The following POLR1A variants were observed in gnomAD, a reference collection of about 807,000 sequenced individuals.
POLR1A encodes DNA-directed RNA polymerase I subunit RPA1.
POLR1A carries 84 observed loss-of-function variants against 205.3 expected under a neutral mutation model. The observed-to-expected ratio is 0.41, with a 90% CI of 0.34 to 0.49. The LOEUF (loss-of-function observed/expected upper bound fraction) is 0.49. Ranked by LOEUF, POLR1A falls within the 20% of genes least tolerant of loss-of-function variation. POLR1A has a pLI of 0.22. For synonymous variants in POLR1A, 799 were observed against 863.7 expected (o/e 0.93, Z 1.31); for missense variants, 1,645 against 2,204.5 (o/e 0.75, Z 5.08).
At chr2:86,069,523 G>C (rs989595302) in intron 13 of POLR1A, among the ~76,000 whole-genome samples, 1 of 152,192 alleles carries the variant, frequency 6.6e-6, no homozygotes, top group South Asian at 2.1e-4. Context: ...GAGTGAACTT[G>C]GAGAAAGAAG....
intron 14 of POLR1A, among the ~76,000 whole-genome samples, chr2:86,058,132 G>A (rs766071872): frequency 6.6e-6 from 1 of 152,092 alleles, no homozygotes; most frequent in African/African-American, 2.4e-5. Context: ...ATGGAGTCTC[G>A]CTCTGTCGCC....
At chr2:86,066,419 C>G (rs1348269320) in intron 13 of POLR1A, among the ~76,000 whole-genome samples, 1 of 152,166 alleles carries the variant, frequency 6.6e-6, no homozygotes, top group Non-Finnish European at 1.5e-5. Flanking sequence ...ATTCTGATCC[C>G]CAGTCTCCTG....
Position 86,047,158 on chromosome 2 carries a change from C to A in POLR1A, c.2733+7G>T. 1 of 1,609,798 alleles carries A rather than the reference C, an allele frequency of 6.2e-7. No homozygotes were observed. The highest frequency in any genetic ancestry group is 8.5e-7 in the Non-Finnish European group (1 of 1,176,076). ...CTGTAAAGCTGCCAACCCGCCTCTG[C>A]ACATACCTGCATCGTGTTCACAGTT... On this transcript the variant is annotated splice_region_variant and intron_variant, in intron 19 of 33. Transcript: ENST00000263857.
intron 7 of POLR1A, among the ~76,000 whole-genome samples, chr2:86,082,541 CTT>C (rs35737381): frequency 6.8e-6 from 1 of 146,912 alleles, no homozygotes. Context: ...AACTCCAGTG[CTT>C]TTTTTTTTTT....
intron 25 of POLR1A, chr2:86,040,030 C>G (rs1475711021): frequency 4.7e-6 from 1 of 214,916 alleles, no homozygotes; most frequent in Non-Finnish European, 9.2e-6. Context: ...CACGTGGGGG[C>G]ACGTTCTATG....
At chr2:86,039,267 T>G in intron 26 of POLR1A, 60 bp downstream of exon 26, 1 of 1,579,246 alleles carries the variant, frequency 6.3e-7, no homozygotes. Context: ...TCTTCACACA[T>G]GGGGAGGATA....
At chr2:86,083,243 C>A (rs1480009865) in intron 6 of POLR1A, 75 bp from the exon 7 acceptor site, 9 of 1,048,922 alleles carry the variant, frequency 8.6e-6, no homozygotes, top group Admixed American at 1.8e-5. Flanking sequence ...TTTATCAATT[C>A]TTTATCCCCA....
At chr2:86,036,916 A>G (rs1217399378) in intron 27 of POLR1A, 47 of 152,274 alleles carry the variant, frequency 3.1e-4, no homozygotes, top group Admixed American at 3.1e-3. Flanking sequence ...TTTCAATTCC[A>G]TGAGGTAATA....
At chr2:86,055,155 C>T (rs1672874996) in intron 14 of POLR1A, among the ~76,000 whole-genome samples, 1 of 152,174 alleles carries the variant, frequency 6.6e-6, no homozygotes, top group African/African-American at 2.4e-5. Context: ...TTTAGCCGGG[C>T]ATGGTGGCGT....
chr2:86,084,665 C>CT (rs546893329), intron 6 of POLR1A, among the ~76,000 whole-genome samples: 1,448 of 127,592 alleles, frequency 0.011, 28 homozygotes, highest in African/African-American at 0.035. Flanking sequence ...TTGCCTTTTC[C>CT]TTTTTTTTTT....
At chr2:86,052,705 A>T in intron 16 of POLR1A, 112 bp downstream of exon 16, 2 of 862,200 alleles carry the variant, frequency 2.3e-6, no homozygotes, top group Non-Finnish European at 3.4e-6. Flanking sequence ...GGGAACACAC[A>T]GAAGCCTTGG....
intron 3 of POLR1A, among the ~76,000 whole-genome samples, chr2:86,098,165 G>A (rs570851016): frequency 1.2e-4 from 18 of 152,154 alleles, no homozygotes; most frequent in Non-Finnish European, 2.4e-4. Flanking sequence ...TTGCCAAAAT[G>A]TGAATCTAAT....
At chr2:86,082,006 A>T (rs1321545944) in intron 7 of POLR1A, among the ~76,000 whole-genome samples, 2 of 146,466 alleles carry the variant, frequency 1.4e-5, no homozygotes, top group East Asian at 3.9e-4. Context: ...TAATTTTTGT[A>T]TTTTTTTTTT....
intron 28 of POLR1A, 141 bp from the exon 29 acceptor site, chr2:86,032,523 C>A (rs899810107): frequency 1.5e-5 from 10 of 666,668 alleles, no homozygotes; most frequent in Admixed American, 1.3e-4. Flanking sequence ...CACCCTCCAT[C>A]CACTGCCACC....
chr2:86,038,645 G>C, intron 27 of POLR1A, 55 bp downstream of exon 27: 1 of 1,578,650 alleles, frequency 6.3e-7, no homozygotes, highest in Admixed American at 1.7e-5. Flanking sequence ...TCCTGCCCCA[G>C]TTCAAGCGCA....
intron 27 of POLR1A, among the ~76,000 whole-genome samples, chr2:86,035,478 G>A (rs1672478437): frequency 6.6e-6 from 1 of 152,206 alleles, no homozygotes; most frequent in African/African-American, 2.4e-5. Context: ...CGAGGCTACT[G>A]TGCAGAGCAG....
chr2:86,095,040 T>C (rs1263722479), intron 3 of POLR1A, among the ~76,000 whole-genome samples: 1 of 152,346 alleles, frequency 6.6e-6, no homozygotes, highest in East Asian at 1.9e-4. Flanking sequence ...CCTTACCCTA[T>C]TCGAGCTCTG....
At chr2:86,061,521 T>C (rs148633178) in intron 14 of POLR1A, among the ~76,000 whole-genome samples, 5 of 152,344 alleles carry the variant, frequency 3.3e-5, no homozygotes, top group East Asian at 1.9e-4. Context: ...CATGCCTCAA[T>C]AGTTACCCAC....
rs1463348053 is a variant in POLR1A, at chr2:86,028,822, C to T, written c.4780-111G>A. On this transcript the variant is annotated intron_variant, in intron 31 of 33. Coordinates refer to ENST00000263857, the MANE Select transcript of POLR1A (RefSeq NM_015425.6). The surrounding 1 kb of genome is among the most constrained non-coding windows in gnomAD (Gnocchi z 4.5). The stretch of plus-strand genomic sequence containing the variant: ...TCTCCTTGTGTCTGGCAGCTCGGTA[C>T]AGCTGATGACAAAGTGGTCAAGAGG... 5.4e-6 allele frequency: 4 copies of T among 739,306 alleles called. No individual in the cohort carries two copies. Among genetic ancestry groups the T allele is most frequent in the East Asian group, 2.7e-5 (1 of 36,788 alleles). The allele number at this position is 739,306 out of a possible 1,614,324, so 45.8% of individuals were successfully genotyped here. A position where few individuals can be genotyped will look rare whatever the true frequency, so the allele number is the denominator to read the frequency against.
Sources: allele counts gnomAD v4.1 joint callset (sites outside exome capture counted in the v4.1 genomes callset), GRCh38; gene constraint gnomAD v4.1.1; non-coding constraint Gnocchi (gnomAD v3.1); transcripts MANE v1.5; gene names NCBI Gene and HGNC (gene_info 2026-07-23, HGNC 2026-07-21).